The following CCDC102B variants were observed in gnomAD, a reference collection of about 807,000 sequenced individuals.
The protein encoded by CCDC102B is coiled-coil domain-containing protein 102B.
Under a neutral mutation model 57.4 loss-of-function variants are expected in CCDC102B, and 75 were observed. The observed-to-expected ratio is 1.31, with a 90% CI of 1.08 to 1.58. CCDC102B has a LOEUF of 1.58. Among genes scored for constraint, CCDC102B ranks in the 40% most tolerant of loss-of-function variants. The pLI is 0.00. For synonymous variants in CCDC102B, 206 were observed against 201.9 expected, an observed-to-expected ratio of 1.02 and a Z score of -0.17; for missense variants, 636 against 582.6, an observed-to-expected ratio of 1.09 and a Z score of -0.94.
intron 2 of CCDC102B, among the ~76,000 whole-genome samples, chr18:68,780,309 T>C (rs568661883): frequency 1.3e-5 from 2 of 152,248 alleles, no homozygotes; most frequent in East Asian, 3.9e-4. Context: ...ATAATGCTGC[T>C]ATAAACATTT....
chr18:68,963,541 C>T (rs78356384), intron 6 of CCDC102B, among the ~76,000 whole-genome samples: 3,683 of 151,950 alleles, frequency 0.024, 117 homozygotes, highest in East Asian at 0.15. Flanking sequence ...GTATATTCCC[C>T]ATCCATCAAG....
At chr18:68,998,993 T>TAGAG (rs1271177747) in intron 6 of CCDC102B, among the ~76,000 whole-genome samples, 5 of 54,634 alleles carry the variant, frequency 9.2e-5, no homozygotes, top group African/African-American at 3.2e-4. Flanking sequence ...TATATATATA[T>TAGAG]ATATATAGAG....
At chr18:68,952,464 T>C (rs890812271) in intron 6 of CCDC102B, among the ~76,000 whole-genome samples, 1 of 152,108 alleles carries the variant, frequency 6.6e-6, no homozygotes, top group Admixed American at 6.6e-5. Flanking sequence ...AAATAGGTTA[T>C]AGAGTAGATA....
At chr18:68,899,961 G>A (rs2040382341) in intron 6 of CCDC102B, 1 of 152,074 alleles carries the variant, frequency 6.6e-6, no homozygotes, top group Non-Finnish European at 1.5e-5. Flanking sequence ...AAGGATATGT[G>A]TACATCATTC....
chr18:68,927,142 G>C (rs1388460091), intron 6 of CCDC102B, among the ~76,000 whole-genome samples: 1 of 151,938 alleles, frequency 6.6e-6, no homozygotes, highest in Non-Finnish European at 1.5e-5. Flanking sequence ...GAGAAAGACT[G>C]TGAGCTTCAG....
chr18:68,975,273 A>G (rs969083398), intron 6 of CCDC102B, among the ~76,000 whole-genome samples: 6 of 151,988 alleles, frequency 3.9e-5, no homozygotes, highest in Admixed American at 1.3e-4. Flanking sequence ...ATTCACTTTT[A>G]TGCTATGAAC....
chr18:68,778,200 G>C (rs571969101), intron 2 of CCDC102B, among the ~76,000 whole-genome samples: 1 of 152,176 alleles, frequency 6.6e-6, no homozygotes, highest in East Asian at 1.9e-4. Flanking sequence ...TTAATTAATG[G>C]CTAAAGTTAC....
chr18:68,728,566 GTGACC>G (rs1186563035), intron 2 of CCDC102B, among the ~76,000 whole-genome samples: 1 of 152,202 alleles, frequency 6.6e-6, no homozygotes, highest in African/African-American at 2.4e-5. Flanking sequence ...ACAGCTGGCT[GTGACC>G]TGAAGCAGGC....
intron 6 of CCDC102B, among the ~76,000 whole-genome samples, chr18:68,955,309 C>A (rs1468770964): frequency 6.6e-6 from 1 of 152,128 alleles, no homozygotes. Context: ...CCATCCATTA[C>A]TTTCTATATG....
chr18:68,744,670 G>A (rs2033541775), intron 2 of CCDC102B, among the ~76,000 whole-genome samples: 1 of 152,118 alleles, frequency 6.6e-6, no homozygotes, highest in Non-Finnish European at 1.5e-5. Flanking sequence ...CCAGCCATGT[G>A]CATGAAGACG....
intron 2 of CCDC102B, among the ~76,000 whole-genome samples, chr18:68,733,499 T>TATAC (rs2032983171): frequency 2.2e-5 from 2 of 89,508 alleles, no homozygotes; most frequent in Non-Finnish European, 4.2e-5. Flanking sequence ...TATATATATA[T>TATAC]ATATATATTT....
At position 69,054,773 on chromosome 18, in the gene CCDC102B, A is replaced by G; in HGVS notation, c.*636A>G. 1.0e-6 allele frequency: 1 copy of G among 985,340 alleles called. No homozygotes were observed. Among genetic ancestry groups the G allele is most frequent in the Non-Finnish European group, 1.2e-6 (1 of 829,898 alleles). The allele number at this position is 985,340 out of a possible 1,614,324, so 61.0% of individuals were successfully genotyped here. A position where few individuals can be genotyped will look rare whatever the true frequency, so the allele number is the denominator to read the frequency against. On this transcript the variant is annotated 3_prime_UTR_variant, in exon 8 of 8. Coordinates refer to ENST00000360242, the MANE Select transcript of CCDC102B (RefSeq NM_024781.3). ...AGGCTGTAAGCATCGCTGAGAAACT[A>G]AAAGGACTTTTGACTTTTATCTGGA...
chr18:68,853,473 A>C lies in CCDC102B; in HGVS notation c.936+7052A>C, dbSNP rs149148691. 1.0e-2 allele frequency among the ~76,000 whole-genome samples: 1,517 copies of C among 152,110 alleles called. 26 individuals are homozygous for C. The highest frequency in any genetic ancestry group is 0.035 in the African/African-American group (1,436 of 41,514). On this transcript the variant is annotated intron_variant, in intron 4 of 7. Coordinates refer to ENST00000360242, the MANE Select transcript of CCDC102B (RefSeq NM_024781.3). ...ATCGCTCTCATACTAAAAGTTGATT[A>C]GAGTATATAAAGCCAAAAAGCTAGG...
In CCDC102B at chr18:69,015,021, G is replaced by T. The variant is rs1231066636; in HGVS notation, c.1434+3917G>T. On this transcript the variant is annotated intron_variant, in intron 7 of 7. Coordinates refer to ENST00000360242, the MANE Select transcript of CCDC102B (RefSeq NM_024781.3). ...TGTGTGTGAAAGAGAAAGAGAAAAA[G>T]AGAGAGAGAAAAAAAATTTGCTGTT... is the stretch of plus-strand genomic sequence containing the variant. 2.0e-5 allele frequency among the ~76,000 whole-genome samples: 3 copies of T among 151,622 alleles called. No homozygotes were observed. The East Asian group carries it at 5.8e-4, about 29-fold the overall frequency.
chr18:69,034,561 A>G (rs2052236081), intron 7 of CCDC102B, among the ~76,000 whole-genome samples: 1 of 151,950 alleles, frequency 6.6e-6, no homozygotes, highest in Admixed American at 6.6e-5. Flanking sequence ...ATTATATTCC[A>G]CTGGTCTATA....
intron 2 of CCDC102B, among the ~76,000 whole-genome samples, chr18:68,724,017 G>C (rs1230625905): frequency 6.6e-6 from 1 of 152,298 alleles, no homozygotes; most frequent in South Asian, 2.1e-4. Flanking sequence ...CTAGATGCAG[G>C]TTCCCAAACC....
At position 68,838,773 on chromosome 18, in the gene CCDC102B, A is replaced by C; in HGVS notation, c.674A>C (p.Asp225Ala). 1 of 1,614,038 alleles carries C rather than the reference A, an allele frequency of 6.2e-7. No individual in the cohort carries two copies. Among genetic ancestry groups the C allele is most frequent in the Non-Finnish European group, 8.5e-7 (1 of 1,179,958 alleles). Residue 225 changes from aspartate to alanine, a missense_variant, in exon 3 of 8, where the codon GAT becomes GCT. Physicochemically the swap from Asp to Ala is moderately radical, Grantham distance 126. Transcript: ENST00000360242. ...EEMKPNLDGVDLFNNGGSGNG... is the reference protein window; with the variant it reads ...EEMKPNLDGVALFNNGGSGNG... ...ATGAAGCCCAATCTAGATGGTGTTG[A>C]TTTATTCAACAATGGTGGTTCTGGA...
In CCDC102B at chr18:68,876,075, A is replaced by G. The variant is rs1043799191; in HGVS notation, c.1053+1290A>G. 4.6e-5 allele frequency among the ~76,000 whole-genome samples: 7 copies of G among 152,344 alleles called. 1 individual carries two copies. Among genetic ancestry groups the G allele is most frequent in the Admixed American group, 3.9e-4 (6 of 15,296 alleles). Reference sequence around the variant, plus strand: ...GAGGAATCAGACTATCAGGATAGATATCTCTTTTTCTTGACCCTCAGCTCT... The same window carrying G: ...GAGGAATCAGACTATCAGGATAGATGTCTCTTTTTCTTGACCCTCAGCTCT... On this transcript the variant is annotated intron_variant, in intron 5 of 7. Transcript: ENST00000360242.
intron 2 of CCDC102B, among the ~76,000 whole-genome samples, chr18:68,785,298 G>A (rs2035162206): frequency 6.6e-6 from 1 of 152,104 alleles, no homozygotes; most frequent in Admixed American, 6.6e-5. Flanking sequence ...ACATGTGCAT[G>A]TGTCTTTATA....
Sources: gnomAD v4.1 joint callset for allele counts (sites outside exome capture counted in the v4.1 genomes callset) on GRCh38, gnomAD v4.1.1 for gene constraint, MANE v1.5 for transcripts, NCBI Gene and HGNC (gene_info 2026-07-23, HGNC 2026-07-21) for gene names.